Variants in ITPR2 observed in about 807,000 individuals in gnomAD.
The protein encoded by ITPR2 is inositol 1,4,5-trisphosphate-gated calcium channel ITPR2.
In ITPR2, 207 loss-of-function variants were observed where a neutral mutation model predicts 317.1. The observed-to-expected ratio is 0.65, with a 90% CI of 0.58 to 0.73. ITPR2 has a LOEUF of 0.73. ITPR2 is among the 30% of genes least tolerant of loss of function. The pLI is 0.00. For missense variants in ITPR2, 2,613 were observed against 3,284.0 expected, an observed-to-expected ratio of 0.80 and a Z score of 4.99; for synonymous variants, 1,156 against 1,149.1, an observed-to-expected ratio of 1.01 and a Z score of -0.12.
At chr12:26,806,799 C>T (rs1285265368) in intron 1 of ITPR2, among the ~76,000 whole-genome samples, 2 of 152,120 alleles carry the variant, frequency 1.3e-5, no homozygotes, top group African/African-American at 4.8e-5. Flanking sequence ...CTCGGGCTCC[C>T]AAAGTGCTGG....
intron 37 of ITPR2, among the ~76,000 whole-genome samples, chr12:26,524,320 A>G (rs1943749851): frequency 6.6e-6 from 1 of 152,230 alleles, no homozygotes; most frequent in South Asian, 2.1e-4. Context: ...CATGAGCCAC[A>G]GGGGGTACTA....
intron 2 of ITPR2, among the ~76,000 whole-genome samples, chr12:26,784,869 C>G (rs947358896): frequency 5.4e-5 from 7 of 129,834 alleles, no homozygotes; most frequent in South Asian, 2.6e-4. Flanking sequence ...GCGTCTCTGC[C>G]CGGCCGCCAT....
intron 15 of ITPR2, among the ~76,000 whole-genome samples, chr12:26,659,969 T>G (rs549164107): frequency 2.0e-5 from 3 of 152,350 alleles, no homozygotes; most frequent in Admixed American, 2.0e-4. Context: ...ATCACTTTAT[T>G]GATTAGATCC....
intron 55 of ITPR2, among the ~76,000 whole-genome samples, chr12:26,365,808 G>A (rs1001469456): frequency 1.3e-5 from 2 of 152,214 alleles, no homozygotes; most frequent in Admixed American, 1.3e-4. Context: ...GCCAATGAGC[G>A]TGCAAAGGAA....
intron 4 of ITPR2, among the ~76,000 whole-genome samples, chr12:26,723,134 G>C (rs945755005): frequency 6.6e-6 from 1 of 151,956 alleles, no homozygotes; most frequent in African/African-American, 2.4e-5. Context: ...TGGACTTTGT[G>C]AACAAAATCT....
At chr12:26,507,333 C>A (rs1165291077) in intron 37 of ITPR2, among the ~76,000 whole-genome samples, 1 of 152,080 alleles carries the variant, frequency 6.6e-6, no homozygotes. Flanking sequence ...ATTAAAGGGG[C>A]CAAGTACCAA....
intron 37 of ITPR2, among the ~76,000 whole-genome samples, chr12:26,516,669 G>A (rs977147225): frequency 6.6e-6 from 1 of 152,060 alleles, no homozygotes; most frequent in Non-Finnish European, 1.5e-5. Context: ...CTCTATAAAG[G>A]AATGCTGCAT....
chr12:26,485,982 T>C (rs1057211725), intron 41 of ITPR2, 122 bp downstream of exon 41: 7 of 1,052,530 alleles, frequency 6.7e-6, no homozygotes, highest in African/African-American at 1.6e-5. Flanking sequence ...AGAGGAGCAC[T>C]ATTGCTTTTA....
chr12:26,711,335 G>GCCC, intron 8 of ITPR2, 67 bp from the exon 9 acceptor site: 1 of 1,030,828 alleles, frequency 9.7e-7, no homozygotes, highest in African/African-American at 1.6e-5. Context: ...AACACCAACA[G>GCCC]TTTACATGCC....
At position 26,772,450 on chromosome 12, in the gene ITPR2, TTA is replaced by T. The variant is rs3064579; in HGVS notation, c.163+17705_163+17706del. Among the ~76,000 whole-genome samples the T allele has an allele frequency of 2.3e-3, 168 of 74,028 alleles. 2 individuals carry two copies. Among genetic ancestry groups the T allele is most frequent in the Middle Eastern group, 6.1e-3 (1 of 164 alleles). 48.6% of individuals were successfully genotyped at this position (74,028 alleles called of 152,430 possible). The stretch of plus-strand genomic sequence containing the variant: ...ATATATAATACATGTATTATATATA[TTA>T]TATATATAATACATGTATTATATAT... On this transcript the variant is annotated intron_variant, in intron 2 of 56. Coordinates refer to ENST00000381340, the MANE Select transcript of ITPR2 (RefSeq NM_002223.4).
At position 26,411,401 on chromosome 12, in the gene ITPR2, C is replaced by T. The variant is rs1339051047; in HGVS notation, c.7318G>A (p.Val2440Met). The T allele has an allele frequency of 4.3e-6, 7 of 1,610,540 alleles. No homozygotes were observed. Among genetic ancestry groups the T allele is most frequent in the South Asian group, 1.1e-5 (1 of 91,028 alleles). Residue 2440 changes from valine to methionine, a missense_variant, in exon 52 of 57, where the codon GTG becomes ATG. This residue lies in a region of ITPR2 where 113 missense variants were observed against 129.2 expected (regional missense o/e 0.87). Coordinates refer to ENST00000381340, the MANE Select transcript of ITPR2 (RefSeq NM_002223.4). ...ATGGTAGTTAAAGTCATAGTAGGCA[C>T]TTGATGACTGCCTAAGAAAATACAA... is the stretch of plus-strand genomic sequence containing the variant. ...NRTPVTGSHQ[V>M]PTMTLTTMME...
intron 26 of ITPR2, among the ~76,000 whole-genome samples, chr12:26,620,291 C>A (rs1946463268): frequency 6.6e-6 from 1 of 152,226 alleles, no homozygotes; most frequent in Non-Finnish European, 1.5e-5. Context: ...TCCCAAACTT[C>A]CAAAGCATTT....
intron 21 of ITPR2, 128 bp downstream of exon 21, chr12:26,653,848 T>A (rs184324482): frequency 1.5e-6 from 1 of 673,956 alleles, no homozygotes; most frequent in Non-Finnish European, 2.5e-6. Context: ...AGCCCTGTCA[T>A]AGGAATTGTG....
intron 2 of ITPR2, among the ~76,000 whole-genome samples, chr12:26,771,855 C>T (rs943949149): frequency 6.6e-6 from 1 of 151,986 alleles, no homozygotes; most frequent in African/African-American, 2.4e-5. Flanking sequence ...TATGTCACAG[C>T]ACTTTATCTA....
intron 32 of ITPR2, among the ~76,000 whole-genome samples, chr12:26,584,567 T>C (rs937938561): frequency 6.6e-6 from 1 of 152,196 alleles, no homozygotes; most frequent in Admixed American, 6.5e-5. Flanking sequence ...GGTAAATAAG[T>C]TACCATATGT....
rs1022259079 is a variant in ITPR2 at position 26,400,402 on chromosome 12, C to A, written c.7400-144G>T. On this transcript the variant is annotated intron_variant, in intron 52 of 56. Transcript: ENST00000381340. ...TTATACACATATGTAAATATACATA[C>A]AATAAATAAATATACCTAAATATAC... The A allele has an allele frequency of 2.7e-5, 9 of 338,840 alleles. No homozygotes were observed. The South Asian group carries it at 3.9e-4, about 15-fold the overall frequency. 21.0% of individuals were successfully genotyped at this position (338,840 alleles called of 1,614,324 possible).
chr12:26,386,270 G>A (rs1565498736), intron 55 of ITPR2, among the ~76,000 whole-genome samples: 1 of 152,118 alleles, frequency 6.6e-6, no homozygotes, highest in Admixed American at 6.5e-5. Flanking sequence ...AAGTGGAGAA[G>A]ACAAACAATG....
At chr12:26,624,834 G>A (rs1457631343) in intron 23 of ITPR2, among the ~76,000 whole-genome samples, 3 of 151,652 alleles carry the variant, frequency 2.0e-5, no homozygotes, top group Non-Finnish European at 4.4e-5. Context: ...TCTACTTCTG[G>A]GTGTATATGA....
chr12:26,461,098 T>C (rs1294536174), intron 45 of ITPR2, among the ~76,000 whole-genome samples: 1 of 152,148 alleles, frequency 6.6e-6, no homozygotes, highest in East Asian at 1.9e-4. Flanking sequence ...ACCACAGCAA[T>C]CGGAGAAAGA....
Sources: gnomAD v4.1 joint callset for allele counts (sites outside exome capture counted in the v4.1 genomes callset) on GRCh38, gnomAD v4.1.1 for gene constraint, gnomAD v4.1.1 regional missense constraint, MANE v1.5 for transcripts, NCBI Gene and HGNC (gene_info 2026-07-23, HGNC 2026-07-21) for gene names.